Variants in CCDC102B observed in about 807,000 individuals in gnomAD.
The protein encoded by CCDC102B is coiled-coil domain containing 102B.
A neutral mutation model predicts 57.4 loss-of-function variants in CCDC102B; 75 were observed. The ratio of observed to expected loss-of-function variants is 1.31; its 90% confidence interval spans 1.08 to 1.58. CCDC102B has a LOEUF of 1.58. CCDC102B is among the 40% of genes most tolerant of loss of function. The probability of loss-of-function intolerance (pLI) is 0.00; values close to 1 mark genes in which losing one functional copy is unlikely to be tolerated. For missense variants in CCDC102B, 636 were observed against 582.6 expected, an observed-to-expected ratio of 1.09 and a Z score of -0.94; for synonymous variants, 206 against 201.9, an observed-to-expected ratio of 1.02 and a Z score of -0.17.
At chr18:68,882,847 T>G (rs373797697) in intron 5 of CCDC102B, among the ~76,000 whole-genome samples, 8 of 152,134 alleles carry the variant, frequency 5.3e-5, no homozygotes, top group South Asian at 2.1e-4. Flanking sequence ...GGGACATGGA[T>G]GGGGCTAGAG....
chr18:68,932,288 T>A (rs1356110850), intron 6 of CCDC102B, among the ~76,000 whole-genome samples: 21 of 151,944 alleles, frequency 1.4e-4, no homozygotes, highest in Admixed American at 1.4e-3. Flanking sequence ...TGTATTATTC[T>A]ATAAATTTGC....
intron 2 of CCDC102B, among the ~76,000 whole-genome samples, chr18:68,790,314 C>T (rs1036798206): frequency 3.8e-5 from 5 of 130,428 alleles, no homozygotes; most frequent in East Asian, 1.9e-4. Context: ...AGAGGTGGAG[C>T]GTACAGAGGC....
chr18:68,936,384 C>T (rs1398992232), intron 6 of CCDC102B, among the ~76,000 whole-genome samples: 2 of 151,930 alleles, frequency 1.3e-5, no homozygotes, highest in African/African-American at 2.4e-5. Context: ...AGGTGTTCCT[C>T]TTTGTTCACC....
chr18:68,883,511 C>T (rs1025166379), intron 5 of CCDC102B, among the ~76,000 whole-genome samples: 1 of 152,086 alleles, frequency 6.6e-6, no homozygotes, highest in African/African-American at 2.4e-5. Context: ...ATCATATGTA[C>T]GATTTTGTTC....
chr18:69,034,332 T>G (rs546232203), intron 7 of CCDC102B, among the ~76,000 whole-genome samples: 1 of 152,122 alleles, frequency 6.6e-6, no homozygotes, highest in South Asian at 2.1e-4. Flanking sequence ...TCTAAGGGTT[T>G]TATAGTTTTA....
At chr18:68,756,255 T>C (rs888296563) in intron 2 of CCDC102B, among the ~76,000 whole-genome samples, 5 of 150,528 alleles carry the variant, frequency 3.3e-5, no homozygotes, top group African/African-American at 1.2e-4. Flanking sequence ...TATCAATAAG[T>C]TAATCCACAG....
chr18:69,051,115 C>A (rs1404373359), intron 7 of CCDC102B, among the ~76,000 whole-genome samples: 1 of 152,092 alleles, frequency 6.6e-6, no homozygotes, highest in Admixed American at 6.5e-5. Flanking sequence ...GAACTTCTGG[C>A]CTCAAGTAAT....
chr18:68,869,862 T>G (rs1018677458), intron 4 of CCDC102B, among the ~76,000 whole-genome samples: 1 of 152,162 alleles, frequency 6.6e-6, no homozygotes, highest in Non-Finnish European at 1.5e-5. Context: ...TTAGGTTTTA[T>G]GTTTAAGTCT....
At chr18:68,936,893 A>T (rs1175657653) in intron 6 of CCDC102B, among the ~76,000 whole-genome samples, 1 of 151,616 alleles carries the variant, frequency 6.6e-6, no homozygotes, top group Non-Finnish European at 1.5e-5. Flanking sequence ...ACACATATAC[A>T]TACGTAAGTC....
intron 2 of CCDC102B, among the ~76,000 whole-genome samples, chr18:68,743,640 G>A (rs1162266563): frequency 2.0e-5 from 3 of 152,140 alleles, no homozygotes; most frequent in African/African-American, 4.8e-5. Flanking sequence ...AGCCTTGCAG[G>A]AGAATGCTCT....
In CCDC102B at chr18:68,882,086, AT is replaced by A. The variant is rs372347744; in HGVS notation, c.1053+7305del. Among the ~76,000 whole-genome samples the A allele has an allele frequency of 5.4e-4, 82 of 152,322 alleles. 1 individual carries two copies. The highest frequency in any genetic ancestry group is 3.4e-3 in the Middle Eastern group (1 of 294). ...TAACTATTATTAGCATTTTAATAAGATTTTAAAAATCAAATATCCTTAAAGA... is the reference window on the plus strand; with the variant it reads ...TAACTATTATTAGCATTTTAATAAGATTTAAAAATCAAATATCCTTAAAGA... On this transcript the variant is annotated intron_variant, in intron 5 of 7. Transcript: ENST00000360242.
At chr18:69,029,171 T>C (rs1906891633) in intron 7 of CCDC102B, among the ~76,000 whole-genome samples, 1 of 152,170 alleles carries the variant, frequency 6.6e-6, no homozygotes, top group South Asian at 2.1e-4. Context: ...TACCACTCAG[T>C]ACTTTTTTTA....
intron 6 of CCDC102B, among the ~76,000 whole-genome samples, chr18:69,001,344 T>C (rs1452666031): frequency 2.0e-5 from 3 of 152,292 alleles, no homozygotes; most frequent in Non-Finnish European, 2.9e-5. Flanking sequence ...TGCTGTTGTT[T>C]CTTTCTGTAA....
At chr18:68,791,980 AGC>A (rs1393308105) in intron 2 of CCDC102B, among the ~76,000 whole-genome samples, 2 of 152,194 alleles carry the variant, frequency 1.3e-5, no homozygotes, top group African/African-American at 4.8e-5. Flanking sequence ...TGCTACTGGT[AGC>A]TAGTAGGTGG....
intron 7 of CCDC102B, among the ~76,000 whole-genome samples, chr18:69,012,120 T>A (rs75447839): frequency 0.041 from 6,222 of 152,220 alleles, 242 homozygotes; most frequent in East Asian, 0.21. Context: ...ATATGTACTT[T>A]GTAATGATAT....
intron 6 of CCDC102B, among the ~76,000 whole-genome samples, chr18:68,957,723 A>G (rs191486299): frequency 9.2e-5 from 14 of 152,174 alleles, no homozygotes; most frequent in Admixed American, 4.6e-4. Flanking sequence ...ACATTTTAAC[A>G]ATATTGATTC....
chr18:69,053,953 A>G, intron 7 of CCDC102B, 77 bp from the exon 8 acceptor site: 1 of 1,127,572 alleles, frequency 8.9e-7, no homozygotes, highest in Non-Finnish European at 1.3e-6. Flanking sequence ...ATATGATAAG[A>G]TGTTATTTAC....
chr18:68,886,667 A>G (rs929286415), intron 5 of CCDC102B, among the ~76,000 whole-genome samples: 2 of 152,108 alleles, frequency 1.3e-5, no homozygotes, highest in African/African-American at 4.8e-5. Flanking sequence ...ATTTCATTAA[A>G]TCTTGTCACT....
chr18:68,898,833 A>G (rs2040333101), intron 6 of CCDC102B, among the ~76,000 whole-genome samples: 1 of 152,146 alleles, frequency 6.6e-6, no homozygotes, highest in Admixed American at 6.6e-5. Context: ...TTAAGAAGCA[A>G]TTGATTATAT....
Sources: gnomAD v4.1 joint callset for allele counts (sites outside exome capture counted in the v4.1 genomes callset) on GRCh38, gnomAD v4.1.1 for gene constraint, MANE v1.5 for transcripts, NCBI Gene and HGNC (gene_info 2026-07-23, HGNC 2026-07-21) for gene names.